Variants in COL6A6 observed in about 807,000 individuals in gnomAD.
COL6A6 encodes collagen alpha-6(VI) chain.
In COL6A6, 183 loss-of-function variants were observed where a neutral mutation model predicts 208.6. The observed-to-expected ratio is 0.88, with a 90% CI of 0.78 to 0.99. COL6A6 has a LOEUF of 0.99. Among genes scored for constraint, COL6A6 ranks in the 50% least tolerant of loss-of-function variants. The probability of loss-of-function intolerance (pLI) is 0.00; values close to 1 mark genes in which losing one functional copy is unlikely to be tolerated. For synonymous variants in COL6A6, 973 were observed against 1,011.8 expected (o/e 0.96, Z 0.73); for missense variants, 2,816 against 2,815.2 (o/e 1.00, Z -0.01).
At chr3:130,667,277 C>T (rs1290622044) in intron 36 of COL6A6, among the ~76,000 whole-genome samples, 2 of 152,218 alleles carry the variant, frequency 1.3e-5, no homozygotes, top group Non-Finnish European at 2.9e-5. Flanking sequence ...CACTCTGTCG[C>T]CCAGGCTGGC....
chr3:130,611,590 A>G (rs1047968586), intron 23 of COL6A6, among the ~76,000 whole-genome samples: 2 of 152,224 alleles, frequency 1.3e-5, no homozygotes, highest in Non-Finnish European at 2.9e-5. Context: ...ATAATGAATC[A>G]AACAGTAAAT....
chr3:130,672,871 T>C (rs970737697), intron 36 of COL6A6, among the ~76,000 whole-genome samples: 1 of 151,122 alleles, frequency 6.6e-6, no homozygotes, highest in Non-Finnish European at 1.5e-5. Flanking sequence ...TAGCTGGGCG[T>C]GGTGGCACAC....
chr3:130,571,414 T>A (rs762064726), intron 7 of COL6A6, 21 bp downstream of exon 7: 13 of 1,508,808 alleles, frequency 8.6e-6, no homozygotes, highest in Non-Finnish European at 9.8e-6. Context: ...CCAACTAAGT[T>A]TTTCCTAATT....
chr3:130,566,197 TC>T (rs2063019543), intron 4 of COL6A6, among the ~76,000 whole-genome samples: 1 of 152,224 alleles, frequency 6.6e-6, no homozygotes, highest in South Asian at 2.1e-4. Context: ...TGTATATTCT[TC>T]CATAAATATT....
At chr3:130,547,879 C>G (rs943202130) in intron 1 of COL6A6, among the ~76,000 whole-genome samples, 1 of 152,196 alleles carries the variant, frequency 6.6e-6, no homozygotes, top group Non-Finnish European at 1.5e-5. Context: ...CTCGCTGCAA[C>G]CTTCGCCTCC....
chr3:130,599,156 G>A (rs12496027), intron 19 of COL6A6, among the ~76,000 whole-genome samples: 17,783 of 152,026 alleles, frequency 0.12, 1,223 homozygotes, highest in South Asian at 0.22. Flanking sequence ...AGGTCATGAT[G>A]GGAATTAATG....
chr3:130,566,877 G>A lies in COL6A6; in HGVS notation c.1458G>A (p.Leu486=). ...GAVQYADSWD[L]EFEINKYSNK... ...TTCAGTATGCTGACAGCTGGGACTTGGAATTTGAGATCAATAAATACTCCA... is the reference window on the plus strand; with the variant it reads ...TTCAGTATGCTGACAGCTGGGACTTAGAATTTGAGATCAATAAATACTCCA... The change falls in exon 5 of 37, where the codon TTG becomes TTA. Residue 486 remains leucine (L), a synonymous_variant. Coordinates refer to ENST00000358511, the MANE Select transcript of COL6A6 (RefSeq NM_001102608.3). 4 of 1,613,982 alleles carry A rather than the reference G, an allele frequency of 2.5e-6. No homozygotes were observed. The highest frequency in any genetic ancestry group is 3.4e-6 in the Non-Finnish European group (4 of 1,179,892).
At chr3:130,621,751 T>C in intron 23 of COL6A6, 70 bp from the exon 24 acceptor site, 1 of 1,342,424 alleles carries the variant, frequency 7.4e-7, no homozygotes, top group South Asian at 1.2e-5. Context: ...TTTCCTCTTA[T>C]AAGACAGAGG....
At chr3:130,536,362 C>T (rs1020336525) in intron 1 of COL6A6, among the ~76,000 whole-genome samples, 1 of 152,212 alleles carries the variant, frequency 6.6e-6, no homozygotes, top group Admixed American at 6.5e-5. Context: ...CACAGTGGGT[C>T]AGGCACTGTT....
chr3:130,566,867 GC>G lies in COL6A6; in HGVS notation c.1449del (p.Trp484GlyfsTer36). 6.2e-7 allele frequency: 1 copy of G among 1,614,008 alleles called. No individual in the cohort carries two copies. Among genetic ancestry groups the G allele is most frequent in the Non-Finnish European group, 8.5e-7 (1 of 1,179,896 alleles). ...VRVGAVQYAD[S>X]WDLEFEINKY... ...GTTGGGGCCGTTCAGTATGCTGACA[GC>G]TGGGACTTGGAATTTGAGATCAATA... is the stretch of plus-strand genomic sequence containing the variant. On this transcript the variant is annotated frameshift_variant, in exon 5 of 37. Transcript: ENST00000358511. LOFTEE classifies it high-confidence loss of function.
chr3:130,634,596 G>A lies in COL6A6; in HGVS notation c.4999G>A (p.Glu1667Lys). ...TTCCTCCTGTCCATTACAGGGACAA[G>A]AAGGATTCCCTGGAGAAAGTGGACC... is the stretch of plus-strand genomic sequence containing the variant. ...SVGRKGAKGQ[E>K]GFPGESGPKG... Residue 1667 changes from glutamate to lysine, a missense_variant, in exon 27 of 37, where the codon GAA becomes AAA. Coordinates refer to ENST00000358511, the MANE Select transcript of COL6A6 (RefSeq NM_001102608.3). 1 of 1,607,286 alleles carries A rather than the reference G, an allele frequency of 6.2e-7. No individual in the cohort carries two copies. Among genetic ancestry groups the A allele is most frequent in the East Asian group, 2.2e-5 (1 of 44,762 alleles).
chr3:130,627,128 G>A (rs997878383), intron 25 of COL6A6, among the ~76,000 whole-genome samples, 191 bp from the exon 26 acceptor site: 2 of 152,124 alleles, frequency 1.3e-5, no homozygotes, highest in African/African-American at 4.8e-5. Flanking sequence ...ACAGTGCATT[G>A]TCTGTATCTG....
chr3:130,537,519 A>G (rs898313532), intron 1 of COL6A6, among the ~76,000 whole-genome samples: 2 of 152,250 alleles, frequency 1.3e-5, no homozygotes, highest in Non-Finnish European at 2.9e-5. Context: ...ACTTGAGCTA[A>G]TAGAGAAAAT....
intron 21 of COL6A6, among the ~76,000 whole-genome samples, chr3:130,608,290 A>T (rs181871122): frequency 0.019 from 2,861 of 152,246 alleles, 51 homozygotes; most frequent in Middle Eastern, 0.044. Flanking sequence ...ATGTTAAAAA[A>T]TTTTTTTCTG....
rs111274126 is a variant in COL6A6, at chr3:130,550,080, A to G, written c.-31-10254A>G. On this transcript the variant is annotated intron_variant, in intron 1 of 36. Coordinates refer to ENST00000358511, the MANE Select transcript of COL6A6 (RefSeq NM_001102608.3). ...TCTTTTTGTGGCTAATGCGAGTGGG[A>G]TCATGTTCTTGATTTGGCTCTCATC... Among the ~76,000 whole-genome samples the G allele has an allele frequency of 8.4e-3, 1,278 of 152,140 alleles. 11 individuals carry two copies. Among genetic ancestry groups the G allele is most frequent in the Middle Eastern group, 0.027 (8 of 294 alleles).
chr3:130,624,101 T>A (rs2064816542), intron 24 of COL6A6, among the ~76,000 whole-genome samples: 1 of 152,054 alleles, frequency 6.6e-6, no homozygotes, highest in Admixed American at 6.6e-5. Flanking sequence ...TAAACTACTC[T>A]TTGGAAAACC....
At chr3:130,526,244 G>A (rs1274286236) in intron 1 of COL6A6, among the ~76,000 whole-genome samples, 1 of 152,074 alleles carries the variant, frequency 6.6e-6, no homozygotes, top group Non-Finnish European at 1.5e-5. Context: ...AGTGAATATG[G>A]GAGGAGAATA....
intron 12 of COL6A6, among the ~76,000 whole-genome samples, chr3:130,590,329 T>TTA (rs2063672390): frequency 5.3e-5 from 6 of 112,404 alleles, no homozygotes; most frequent in Non-Finnish European, 7.2e-5. Context: ...TTTTTTTTTT[T>TTA]ACTATAAGTT....
intron 19 of COL6A6, among the ~76,000 whole-genome samples, chr3:130,599,143 A>G (rs1235507401): frequency 6.6e-6 from 1 of 152,206 alleles, no homozygotes; most frequent in African/African-American, 2.4e-5. Flanking sequence ...AGCCTATTTT[A>G]GAAGGTCATG....
Sources: gnomAD v4.1 joint callset for allele counts (sites outside exome capture counted in the v4.1 genomes callset) on GRCh38, gnomAD v4.1.1 for gene constraint, MANE v1.5 for transcripts, NCBI Gene and HGNC (gene_info 2026-07-23, HGNC 2026-07-21) for gene names.